The following LRRC40 variants were observed in gnomAD, a reference collection of about 807,000 sequenced individuals.
The protein encoded by LRRC40 is leucine-rich repeat-containing protein 40.
LRRC40 carries 76 observed loss-of-function variants against 72.8 expected under a neutral mutation model. The observed-to-expected ratio is 1.04, with a 90% CI of 0.87 to 1.26. The LOEUF (loss-of-function observed/expected upper bound fraction) is 1.26. LRRC40 is among the 50% of genes most tolerant of loss of function. LRRC40 has a pLI of 0.00. For missense variants in LRRC40, 684 were observed against 698.9 expected (o/e 0.98, Z 0.24); for synonymous variants, 243 against 254.2 (o/e 0.96, Z 0.42).
At chr1:70,171,300 T>C (rs1384893690) in intron 9 of LRRC40, among the ~76,000 whole-genome samples, 1 of 151,800 alleles carries the variant, frequency 6.6e-6, no homozygotes, top group African/African-American at 2.4e-5. Flanking sequence ...TGTAAAGCTT[T>C]CTTAGATTTA....
At chr1:70,184,167 T>C (rs1000596241) in intron 4 of LRRC40, among the ~76,000 whole-genome samples, 26 of 152,044 alleles carry the variant, frequency 1.7e-4, no homozygotes, top group Non-Finnish European at 1.5e-5. Context: ...GAGAATCGCT[T>C]GAACCTGGGA....
rs1419786075 is a variant in LRRC40, at chr1:70,173,484, A to G, written c.1092T>C (p.Tyr364=). The G allele has an allele frequency of 3.1e-6, 5 of 1,607,116 alleles. No individual in the cohort carries two copies. Among genetic ancestry groups the G allele is most frequent in the African/African-American group, 1.3e-5 (1 of 74,876 alleles). The change falls in exon 9 of 15, where the codon TAT becomes TAC. Residue 364 remains tyrosine, a synonymous_variant. Transcript: ENST00000370952. ...AAGTACCTTTGATCTTGCTTCGTAG[A>G]TATTTTAGGACTTCTTGTGTTCCTT... ...ISKGTQEVLK[Y]LRSKIKDDGP... is the part of the protein sequence containing the mutation.
chr1:70,155,207 A>G (rs1667610580), intron 11 of LRRC40, among the ~76,000 whole-genome samples: 1 of 152,130 alleles, frequency 6.6e-6, no homozygotes, highest in Non-Finnish European at 1.5e-5. Flanking sequence ...TCTAGGAGAA[A>G]AATATTAACA....
chr1:70,195,524 T>C (rs903200900), intron 1 of LRRC40, among the ~76,000 whole-genome samples: 1 of 152,220 alleles, frequency 6.6e-6, no homozygotes, highest in South Asian at 2.1e-4. Flanking sequence ...CAAGAATAGT[T>C]AATATTTAAA....
chr1:70,157,250 C>T (rs981612484), intron 10 of LRRC40, among the ~76,000 whole-genome samples: 3 of 151,902 alleles, frequency 2.0e-5, no homozygotes, highest in African/African-American at 7.3e-5. Context: ...GTAGATGCAG[C>T]ATTTTCATCT....
chr1:70,175,264 T>C (rs1057000573), intron 7 of LRRC40, among the ~76,000 whole-genome samples: 18 of 152,180 alleles, frequency 1.2e-4, no homozygotes, highest in Middle Eastern at 3.2e-3. Flanking sequence ...GTCTAGAGTT[T>C]ATCTTACAAT....
At chr1:70,170,141 T>C (rs1021508986) in intron 9 of LRRC40, among the ~76,000 whole-genome samples, 1 of 152,136 alleles carries the variant, frequency 6.6e-6, no homozygotes, top group Non-Finnish European at 1.5e-5. Flanking sequence ...ATTAACAGAA[T>C]TTTTTAAATC....
intron 6 of LRRC40, among the ~76,000 whole-genome samples, chr1:70,176,970 T>G (rs189128529): frequency 6.6e-6 from 1 of 152,280 alleles, no homozygotes; most frequent in East Asian, 1.9e-4. Flanking sequence ...AATGTGAAGA[T>G]GCAGTCATAA....
At chr1:70,203,394 AGTT>A (rs914834533) in intron 1 of LRRC40, among the ~76,000 whole-genome samples, 15 of 152,186 alleles carry the variant, frequency 9.9e-5, no homozygotes, top group Non-Finnish European at 1.3e-4. Context: ...GTGTGAGGGT[AGTT>A]GTTGTTGTTG....
At chr1:70,180,103 AGTTT>A (rs1668208936) in intron 5 of LRRC40, 1 of 152,160 alleles carries the variant, frequency 6.6e-6, no homozygotes, top group Non-Finnish European at 1.5e-5. Context: ...ACAAAATAAC[AGTTT>A]TTTTATTAAT....
intron 1 of LRRC40, among the ~76,000 whole-genome samples, chr1:70,194,778 A>C (rs967467022): frequency 1.2e-4 from 18 of 152,194 alleles, no homozygotes; most frequent in African/African-American, 3.1e-4. Flanking sequence ...TTGAAATAAA[A>C]GAACAAAACA....
chr1:70,185,426 G>A (rs573761083), intron 3 of LRRC40, among the ~76,000 whole-genome samples: 1 of 152,252 alleles, frequency 6.6e-6, no homozygotes, highest in Non-Finnish European at 1.5e-5. Flanking sequence ...TTTATCAGGG[G>A]TTTCCAATTT....
chr1:70,202,495 C>A lies in LRRC40; in HGVS notation c.151+2895G>T, dbSNP rs1668770072. ...TCTGGGAAAGGTAAAACTATAGAAA[C>A]AGGAAAAAGATCACTGGTTGCCCAC... On this transcript the variant is annotated intron_variant, in intron 1 of 14. Coordinates refer to ENST00000370952, the MANE Select transcript of LRRC40 (RefSeq NM_017768.5). Among the ~76,000 whole-genome samples, 4 of 152,142 alleles carry A rather than the reference C, an allele frequency of 2.6e-5. No individual in the cohort carries two copies. The South Asian group carries it at 8.3e-4, about 32-fold the overall frequency.
At chr1:70,161,079 A>G (rs1667748175) in intron 9 of LRRC40, among the ~76,000 whole-genome samples, 1 of 151,574 alleles carries the variant, frequency 6.6e-6, no homozygotes, top group Non-Finnish European at 1.5e-5. Flanking sequence ...AAGAACGCAG[A>G]TATCTCATTA....
At chr1:70,198,050 C>T (rs910123575) in intron 1 of LRRC40, among the ~76,000 whole-genome samples, 3 of 152,132 alleles carry the variant, frequency 2.0e-5, no homozygotes, top group African/African-American at 7.2e-5. Flanking sequence ...GTGTGAGCCA[C>T]AGCACCTGAC....
In LRRC40 at chr1:70,205,520, T is replaced by C. The variant is rs1393396823; in HGVS notation, c.21A>G (p.Ile7Met). ...AACCAGCGCGGAGATCCTGCCCCGC[T>C]ATCCGCTTCAGGCGCGACATGTTCA... MSRLKR[I>M]AGQDLRAGFK... is the part of the protein sequence containing the mutation. Residue 7 changes from isoleucine to methionine, a missense_variant, in exon 1 of 15, where the codon ATA becomes ATG. Ile to Met is a conservative substitution (Grantham distance 10). Transcript: ENST00000370952. 1.3e-6 allele frequency: 2 copies of C among 1,598,568 alleles called. No homozygotes were observed. The highest frequency in any genetic ancestry group is 2.2e-5 in the East Asian group (1 of 44,532).
chr1:70,187,838 G>GAGAAGAGAAGA (rs1668399216), intron 2 of LRRC40, among the ~76,000 whole-genome samples: 1 of 123,692 alleles, frequency 8.1e-6, no homozygotes, highest in Non-Finnish European at 1.6e-5. Flanking sequence ...CTCAAAAAAT[G>GAGAAGAGAAGA]GAAGAGAAGA....
intron 1 of LRRC40, among the ~76,000 whole-genome samples, chr1:70,190,677 T>TTAAAAAAAAAA (rs1424067583): frequency 3.7e-5 from 2 of 54,358 alleles, no homozygotes; most frequent in African/African-American, 2.5e-4. Context: ...ACCCTGTCTC[T>TTAAAAAAAAAA]AAAAAAAAAA....
chr1:70,190,396 G>A (rs562662371), intron 1 of LRRC40, among the ~76,000 whole-genome samples: 1 of 151,998 alleles, frequency 6.6e-6, no homozygotes, highest in South Asian at 2.1e-4. Context: ...GAAAAAATGA[G>A]CTAGCCAGTT....
Sources: allele counts gnomAD v4.1 joint callset (sites outside exome capture counted in the v4.1 genomes callset), GRCh38; gene constraint gnomAD v4.1.1; transcripts MANE v1.5; gene names NCBI Gene and HGNC (gene_info 2026-07-23, HGNC 2026-07-21).